ZMYM4: variants seen among roughly 807,000 people sequenced by gnomAD.
The protein encoded by ZMYM4 is zinc finger MYM-type containing 4.
ZMYM4 carries 31 observed loss-of-function variants against 183.2 expected under a neutral mutation model. The observed-to-expected ratio is 0.17, with a 90% CI of 0.13 to 0.23. The LOEUF (loss-of-function observed/expected upper bound fraction) is 0.23, where lower values mean the gene tolerates loss of function less well. ZMYM4 is among the 10% of genes least tolerant of loss of function. ZMYM4 has a pLI of 1.00. For synonymous variants in ZMYM4, 592 were observed against 631.2 expected, an observed-to-expected ratio of 0.94 and a Z score of 0.93; for missense variants, 1,273 against 1,840.3, an observed-to-expected ratio of 0.69 and a Z score of 5.64.
intron 1 of ZMYM4, among the ~76,000 whole-genome samples, chr1:35,294,839 T>C (rs958522142): frequency 3.3e-5 from 5 of 152,262 alleles, no homozygotes; most frequent in Non-Finnish European, 5.9e-5. Context: ...GAAAACATTG[T>C]CACATTTTGA....
At chr1:35,407,885 C>T (rs1216152855) in intron 25 of ZMYM4, 123 bp from the exon 26 acceptor site, 18 of 1,213,692 alleles carry the variant, frequency 1.5e-5, no homozygotes, top group Non-Finnish European at 2.1e-5. Context: ...GTCTTTAATC[C>T]ATATACCCAC....
intron 1 of ZMYM4, among the ~76,000 whole-genome samples, chr1:35,274,630 A>AAAG (rs943652861): frequency 6.6e-6 from 1 of 151,526 alleles, no homozygotes; most frequent in African/African-American, 2.4e-5. Context: ...AAAAAAAAAA[A>AAAG]AAAAGGAGAG....
intron 1 of ZMYM4, among the ~76,000 whole-genome samples, chr1:35,307,574 GC>G (rs1641594221): frequency 7.1e-6 from 1 of 140,428 alleles, no homozygotes; most frequent in African/African-American, 2.7e-5. Context: ...TTGCTCTGTC[GC>G]CCAGGCTGGA....
At chr1:35,403,708 A>C (rs1644952580) in intron 23 of ZMYM4, among the ~76,000 whole-genome samples, 1 of 137,606 alleles carries the variant, frequency 7.3e-6, no homozygotes, top group Non-Finnish European at 1.5e-5. Context: ...CTATTTGTAT[A>C]ATTTCTTTAA....
rs752555084 is a variant in ZMYM4, at chr1:35,393,754, C to A, written c.2911+15C>A. 63 of 1,563,274 alleles carry A rather than the reference C, an allele frequency of 4.0e-5. No individual in the cohort carries two copies. The South Asian group carries it at 7.6e-4, about 19-fold the overall frequency. On this transcript the variant is annotated intron_variant, in intron 18 of 29. Coordinates refer to ENST00000314607, the MANE Select transcript of ZMYM4 (RefSeq NM_005095.3). The stretch of plus-strand genomic sequence containing the variant: ...ATGCCAGACAGGTATGTTCCTTGGT[C>A]TTTCTTTCTTTATTAATTTTTTAAG...
chr1:35,275,807 G>A (rs566462533), intron 1 of ZMYM4, among the ~76,000 whole-genome samples: 1 of 152,242 alleles, frequency 6.6e-6, no homozygotes, highest in African/African-American at 2.4e-5. Flanking sequence ...ACACTTTTAT[G>A]TGGCTTAGCC....
Position 35,374,019 on chromosome 1 carries a change from C to CTTTT in ZMYM4, c.1181+3417_1181+3420dup, listed in dbSNP as rs397863926. Among the ~76,000 whole-genome samples, 20 of 52,790 alleles carry CTTTT rather than the reference C, an allele frequency of 3.8e-4. 2 individuals are homozygous for CTTTT. The highest frequency in any genetic ancestry group is 9.2e-4 in the African/African-American group (12 of 13,030). 34.6% of individuals were successfully genotyped at this position (52,790 alleles called of 152,430 possible). ...ATTCCAGTATGTTCATCATGGGATT[C>CTTTT]TTTTTTTTTTTTTTTTTTTTTTTTT... On this transcript the variant is annotated intron_variant, in intron 7 of 29. Coordinates refer to ENST00000314607, the MANE Select transcript of ZMYM4 (RefSeq NM_005095.3).
At chr1:35,356,883 A>G (rs553697660) in intron 2 of ZMYM4, among the ~76,000 whole-genome samples, 2 of 144,396 alleles carry the variant, frequency 1.4e-5, no homozygotes, top group African/African-American at 2.8e-5. Flanking sequence ...CAAAGCTCAG[A>G]AAAAAAAAAG....
chr1:35,273,266 A>G (rs1639707603), intron 1 of ZMYM4, among the ~76,000 whole-genome samples: 1 of 152,192 alleles, frequency 6.6e-6, no homozygotes, highest in Non-Finnish European at 1.5e-5. Context: ...TACAGCAAGC[A>G]TCACACCCAC....
intron 2 of ZMYM4, among the ~76,000 whole-genome samples, chr1:35,336,072 C>T (rs911167768): frequency 6.6e-6 from 1 of 152,128 alleles, no homozygotes; most frequent in Non-Finnish European, 1.5e-5. Flanking sequence ...AACTCTGTAC[C>T]CATTGATCAA....
intron 2 of ZMYM4, among the ~76,000 whole-genome samples, chr1:35,349,549 C>T (rs991290802): frequency 6.6e-5 from 10 of 151,946 alleles, no homozygotes; most frequent in Non-Finnish European, 1.5e-4. Context: ...TGACAGCGGC[C>T]GAGCGCGGTG....
At chr1:35,419,343 T>C (rs1163093337) in intron 29 of ZMYM4, 127 bp from the exon 30 acceptor site, 5 of 981,222 alleles carry the variant, frequency 5.1e-6, no homozygotes, top group Non-Finnish European at 7.3e-6. Context: ...ATAATTGCAG[T>C]TTTTGCCCTT....
chr1:35,303,162 G>T (rs1241812016), intron 1 of ZMYM4, among the ~76,000 whole-genome samples: 2 of 151,130 alleles, frequency 1.3e-5, no homozygotes, highest in Admixed American at 1.3e-4. Flanking sequence ...TGTGGTGATT[G>T]CCTGTAGTGC....
chr1:35,415,139 C>G (rs1640063884), intron 27 of ZMYM4, among the ~76,000 whole-genome samples: 1 of 152,196 alleles, frequency 6.6e-6, no homozygotes, highest in South Asian at 2.1e-4. Context: ...TCCTTAGTTT[C>G]TACAGCAACA....
At chr1:35,375,580 C>T (rs1284626380) in intron 7 of ZMYM4, among the ~76,000 whole-genome samples, 1 of 152,182 alleles carries the variant, frequency 6.6e-6, no homozygotes, top group Admixed American at 6.5e-5. Flanking sequence ...ATAACTACTG[C>T]TACTGTTGTA....
rs1406184888 is a variant in ZMYM4 at position 35,392,349 on chromosome 1, C to A, written c.2725C>A (p.Gln909Lys). ...TACAGTGAATTCTAACAGTGTCTTA[C>A]AAGGTATGGCTTGATTGGAAAGCAT... ...QPTVNSNSVL[Q>K]GAVPTVTAKI... Residue 909 changes from glutamine (Q) to lysine (K), a missense_variant, in exon 16 of 30, where the codon CAA becomes AAA. This residue lies in a region of ZMYM4 where 290 missense variants were observed against 353.3 expected (regional missense o/e 0.82). Transcript: ENST00000314607. The A allele has an allele frequency of 6.2e-7, 1 of 1,613,664 alleles. No individual in the cohort carries two copies. Among genetic ancestry groups the A allele is most frequent in the Middle Eastern group, 1.7e-4 (1 of 6,060 alleles).
At chr1:35,348,099 C>T (rs965337871) in intron 2 of ZMYM4, among the ~76,000 whole-genome samples, 1 of 152,134 alleles carries the variant, frequency 6.6e-6, no homozygotes, top group African/African-American at 2.4e-5. Flanking sequence ...TACTTGTTCT[C>T]ATATTGAAAA....
At position 35,350,877 on chromosome 1, in the gene ZMYM4, A is replaced by G. The variant is rs1643580515; in HGVS notation, c.86-8048A>G. 5.8e-5 allele frequency: 35 copies of G among 604,416 alleles called. 3 individuals are homozygous for G. The South Asian group carries it at 6.8e-4, about 12-fold the overall frequency. The allele number at this position is 604,416 out of a possible 1,614,324, so 37.4% of individuals were successfully genotyped here. A position where few individuals can be genotyped will look rare whatever the true frequency, so the allele number is the denominator to read the frequency against. Reference sequence around the variant, plus strand: ...ACAAAACACACAAATACAGGATGATAATTTGTGTAACAGAGATATCATTTG... The same window carrying G: ...ACAAAACACACAAATACAGGATGATGATTTGTGTAACAGAGATATCATTTG... On this transcript the variant is annotated intron_variant, in intron 2 of 29. Coordinates refer to ENST00000314607, the MANE Select transcript of ZMYM4 (RefSeq NM_005095.3).
At position 35,269,085 on chromosome 1, in the gene ZMYM4, G is replaced by T. The variant is rs980815985; in HGVS notation, c.39G>T (p.Arg13Ser). 13 of 1,549,286 alleles carry T rather than the reference G, an allele frequency of 8.4e-6. No homozygotes were observed. Among genetic ancestry groups the T allele is most frequent in the Non-Finnish European group, 1.1e-5 (13 of 1,146,664 alleles). The change falls in exon 1 of 30, where the codon AGG becomes AGT. Residue 13 changes from arginine to serine, a missense_variant and splice_region_variant. Arg to Ser is a moderately radical substitution (Grantham distance 110). This residue lies in a region of ZMYM4 where 384 missense variants were observed against 465.6 expected (regional missense o/e 0.82). Coordinates refer to ENST00000314607, the MANE Select transcript of ZMYM4 (RefSeq NM_005095.3). Reference protein sequence around the residue: ...EREVESGPRKRFEQKSGAVFD... With the variant: ...EREVESGPRKSFEQKSGAVFD... ...AGGTGGAGTCCGGCCCCCGAAAGAG[G>T]GTAGGTGAGGTGAGGCAGAACTCGG...
Sources: allele counts gnomAD v4.1 joint callset (sites outside exome capture counted in the v4.1 genomes callset), GRCh38; gene constraint gnomAD v4.1.1; regional missense constraint gnomAD v4.1.1; transcripts MANE v1.5; gene names NCBI Gene and HGNC (gene_info 2026-07-23, HGNC 2026-07-21).